SCML4: variants seen among roughly 807,000 people sequenced by gnomAD.
SCML4 encodes sex comb on midleg-like protein 4.
SCML4 carries 34 observed loss-of-function variants against 41.1 expected under a neutral mutation model. The ratio of observed to expected loss-of-function variants is 0.83; its 90% CI spans 0.63 to 1.10. The LOEUF is 1.10. SCML4 is among the 50% of genes least tolerant of loss of function. The pLI, the probability that SCML4 is intolerant of heterozygous loss-of-function variation, is 0.00. For missense variants in SCML4, 522 were observed against 534.1 expected (o/e 0.98, Z 0.22); for synonymous variants, 214 against 220.9 (o/e 0.97, Z 0.28).
At chr6:107,789,533 C>T (rs972074651) in intron 1 of SCML4, among the ~76,000 whole-genome samples, 10 of 152,198 alleles carry the variant, frequency 6.6e-5, no homozygotes, top group Admixed American at 5.2e-4. Flanking sequence ...CGCAGTCTCC[C>T]AGAATCGAGG....
intron 1 of SCML4, among the ~76,000 whole-genome samples, chr6:107,773,312 C>G (rs1189739782): frequency 6.6e-6 from 1 of 152,148 alleles, no homozygotes; most frequent in Non-Finnish European, 1.5e-5. Flanking sequence ...GCCGGGCACA[C>G]CAGGCACACT....
intron 4 of SCML4, chr6:107,746,399 T>C: frequency 2.5e-6 from 1 of 407,456 alleles, no homozygotes; most frequent in Non-Finnish European, 4.3e-6. Flanking sequence ...TCTGGATATA[T>C]TTTGAAGTGG....
At chr6:107,744,674 T>C (rs1411384872) in intron 5 of SCML4, among the ~76,000 whole-genome samples, 2 of 152,228 alleles carry the variant, frequency 1.3e-5, no homozygotes, top group Non-Finnish European at 2.9e-5. Context: ...TGTGGTCTCA[T>C]TGTCTAAATT....
At chr6:107,773,686 T>C (rs1243224675) in intron 1 of SCML4, among the ~76,000 whole-genome samples, 3 of 149,926 alleles carry the variant, frequency 2.0e-5, no homozygotes, top group Admixed American at 6.7e-5. Flanking sequence ...TCAAAGAACA[T>C]AGTGGTATCA....
At chr6:107,710,551 G>C (rs1377797080) in intron 6 of SCML4, among the ~76,000 whole-genome samples, 1 of 104,832 alleles carries the variant, frequency 9.5e-6, no homozygotes, top group Non-Finnish European at 2.0e-5. Context: ...AGAGGTGGGC[G>C]GATCATCTGA....
chr6:107,775,661 T>C (rs1167854215), intron 1 of SCML4, among the ~76,000 whole-genome samples: 2 of 152,240 alleles, frequency 1.3e-5, no homozygotes, highest in Non-Finnish European at 2.9e-5. Context: ...TTGGGACAGA[T>C]GGGTATTTTT....
intron 4 of SCML4, 104 bp from the exon 5 acceptor site, chr6:107,745,247 C>T (rs62426331): frequency 2.5e-6 from 2 of 800,562 alleles, no homozygotes; most frequent in South Asian, 1.9e-5. Flanking sequence ...TGTTTTGTTG[C>T]TAAGCAGACT....
rs1479671165 is a variant in SCML4 at position 107,772,367 on chromosome 6, G to T, written c.-40C>A. The T allele has an allele frequency of 1.3e-6, 2 of 1,529,210 alleles. No homozygotes were observed. The highest frequency in any genetic ancestry group is 4.9e-5 in the East Asian group (2 of 40,756). 94.7% of individuals were successfully genotyped at this position (1,529,210 alleles called of 1,614,324 possible). On this transcript the variant is annotated 5_prime_UTR_variant, in exon 2 of 8. Transcript: ENST00000369020. The stretch of plus-strand genomic sequence containing the variant: ...GTCTTACAGAATGAGGTGACAAATC[G>T]CTCACAGGCAGAAGAGGTGCTAAGA...
At chr6:107,780,813 ATAT>A (rs1252959618) in intron 1 of SCML4, among the ~76,000 whole-genome samples, 1 of 152,146 alleles carries the variant, frequency 6.6e-6, no homozygotes, top group Non-Finnish European at 1.5e-5. Flanking sequence ...AGCTTGTAAC[ATAT>A]TATTATTACC....
intron 3 of SCML4, 128 bp downstream of exon 3, chr6:107,749,556 T>C: frequency 9.5e-7 from 1 of 1,054,956 alleles, no homozygotes; most frequent in South Asian, 1.3e-5. Context: ...GCTGCCTAGC[T>C]AGCACACTAA....
upstream of SCML4, among the ~76,000 whole-genome samples, chr6:107,826,305 AAAAG>A (rs971301031): frequency 6.0e-5 from 5 of 84,010 alleles, no homozygotes; most frequent in African/African-American, 7.2e-4. Flanking sequence ...AAAGAAAAGA[AAAAG>A]AAGAAAAGAA....
chr6:107,803,103 C>T (rs866000725), intron 1 of SCML4, among the ~76,000 whole-genome samples: 9 of 151,898 alleles, frequency 5.9e-5, no homozygotes, highest in African/African-American at 1.9e-4. Context: ...ACAACTTCCA[C>T]CTCCCAGCTG....
At chr6:107,720,195 A>G in intron 6 of SCML4, 1 of 843,882 alleles carries the variant, frequency 1.2e-6, no homozygotes, top group Non-Finnish European at 1.4e-6. Context: ...CTTATGGTTA[A>G]GTGTGGCAAA....
the SCML4 span, among the ~76,000 whole-genome samples, chr6:107,843,028 T>C: frequency 6.6e-6 from 1 of 152,102 alleles, no homozygotes; most frequent in Non-Finnish European, 1.5e-5. Context: ...AATAAATATA[T>C]ATTTTTATAT....
At chr6:107,815,193 C>T (rs1215482482) in intron 1 of SCML4, among the ~76,000 whole-genome samples, 3 of 152,286 alleles carry the variant, frequency 2.0e-5, no homozygotes, top group African/African-American at 7.2e-5. Context: ...ACAGCTTCTG[C>T]AGAGGGGCAT....
intron 5 of SCML4, among the ~76,000 whole-genome samples, chr6:107,744,234 C>A (rs1470732237): frequency 6.6e-6 from 1 of 152,186 alleles, no homozygotes; most frequent in African/African-American, 2.4e-5. Flanking sequence ...GGAGAAGGAG[C>A]ACCTCCTGTT....
At chr6:107,807,543 C>T (rs1030693454) in intron 1 of SCML4, among the ~76,000 whole-genome samples, 6 of 152,234 alleles carry the variant, frequency 3.9e-5, no homozygotes, top group African/African-American at 1.4e-4. Context: ...TGTTTCATTG[C>T]TCAGGGGTTA....
chr6:107,754,893 G>A, intron 2 of SCML4, among the ~76,000 whole-genome samples: 1 of 152,132 alleles, frequency 6.6e-6, no homozygotes, highest in Non-Finnish European at 1.5e-5. Context: ...AGGATTGCTT[G>A]AGCTCTGGAG....
At chr6:107,737,877 A>AC (rs1215511124) in intron 5 of SCML4, among the ~76,000 whole-genome samples, 2 of 151,936 alleles carry the variant, frequency 1.3e-5, no homozygotes, top group Non-Finnish European at 2.9e-5. Flanking sequence ...TTACATTTGT[A>AC]CCCCAAAAAC....
Sources: allele counts gnomAD v4.1 joint callset (sites outside exome capture counted in the v4.1 genomes callset), GRCh38; gene constraint gnomAD v4.1.1; transcripts MANE v1.5; gene names NCBI Gene and HGNC (gene_info 2026-07-23, HGNC 2026-07-21).